Variants in RFC5 observed in about 807,000 individuals in gnomAD.
The protein encoded by RFC5 is A1 36 kDa subunit.
RFC5 carries 26 observed loss-of-function variants against 44.3 expected under a neutral mutation model. The observed-to-expected ratio is 0.59, with a 90% CI of 0.43 to 0.81. The LOEUF (loss-of-function observed/expected upper bound fraction) is 0.81. Ranked by LOEUF, RFC5 falls within the 40% of genes least tolerant of loss-of-function variation. The probability of loss-of-function intolerance (pLI) is 0.00; values close to 1 mark genes in which losing one functional copy is unlikely to be tolerated. For missense variants in RFC5, 328 were observed against 418.6 expected (o/e 0.78, Z 1.89); for synonymous variants, 155 against 155.2 (o/e 1.00, Z 0.01).
At chr12:118,023,600 C>G (rs936501300) in intron 5 of RFC5, among the ~76,000 whole-genome samples, 1 of 152,052 alleles carries the variant, frequency 6.6e-6, no homozygotes, top group Non-Finnish European at 1.5e-5. Context: ...GAGTGACTGT[C>G]ATTCTGGGCA....
intron 10 of RFC5, 133 bp downstream of exon 10, chr12:118,029,958 AT>A (rs1316314411): frequency 1.4e-6 from 1 of 720,038 alleles, no homozygotes; most frequent in African/African-American, 1.8e-5. Flanking sequence ...GTCTGGTGAT[AT>A]TGAATGGAAT....
intron 7 of RFC5, among the ~76,000 whole-genome samples, chr12:118,026,483 C>T (rs1373766187): frequency 6.6e-6 from 1 of 152,096 alleles, no homozygotes; most frequent in Non-Finnish European, 1.5e-5. Context: ...CCTGTAGTCC[C>T]ATCTACTCAG....
intron 4 of RFC5, 73 bp from the exon 5 acceptor site, chr12:118,022,213 A>T (rs1417187726): frequency 3.3e-6 from 4 of 1,197,754 alleles, no homozygotes; most frequent in Non-Finnish European, 5.0e-6. Flanking sequence ...GCACAATGGG[A>T]AGATATAGGT....
intron 5 of RFC5, among the ~76,000 whole-genome samples, chr12:118,023,896 C>T (rs1347558318): frequency 6.6e-5 from 10 of 152,082 alleles, no homozygotes; most frequent in East Asian, 1.9e-4. Context: ...TAAAATCCCA[C>T]GGAGGCATGT....
Position 118,018,232 on chromosome 12 carries a change from A to G in RFC5, c.66-840A>G, listed in dbSNP as rs146946249. Among the ~76,000 whole-genome samples the G allele has an allele frequency of 2.5e-4, 38 of 152,300 alleles. 1 individual carries two copies. In the East Asian group the frequency reaches 6.4e-3, roughly 25 times the overall value. ...CCTATCCATTCTTCTGTTGAAGTCT[A>G]TTTGGGTAGGAGTTCAGTTTCAAAT... On this transcript the variant is annotated intron_variant, in intron 1 of 10. Coordinates refer to ENST00000454402, the MANE Select transcript of RFC5 (RefSeq NM_007370.7).
chr12:118,024,611 A>C (rs924425674), intron 5 of RFC5, among the ~76,000 whole-genome samples: 5 of 151,654 alleles, frequency 3.3e-5, no homozygotes, highest in African/African-American at 1.2e-4. Context: ...TTTTCAGTAG[A>C]GGTTTTGCCA....
At chr12:118,037,715 C>T (rs1003249158), downstream of RFC5, among the ~76,000 whole-genome samples, 5 of 150,192 alleles carry the variant, frequency 3.3e-5, no homozygotes, top group African/African-American at 1.2e-4. Flanking sequence ...CTCCAAACCA[C>T]AAAAATAAAT....
intron 1 of RFC5, chr12:118,018,016 C>T (rs1220152704): frequency 1.4e-6 from 1 of 701,926 alleles, no homozygotes; most frequent in South Asian, 1.5e-5. Context: ...CACTAATCTG[C>T]TTTCTATCTA....
chr12:118,029,647 T>C (rs2031184446), intron 9 of RFC5, 124 bp from the exon 10 acceptor site: 1 of 770,418 alleles, frequency 1.3e-6, no homozygotes, highest in Non-Finnish European at 2.4e-6. Context: ...TGGTATCTAG[T>C]GAGCAGGCTG....
intron 1 of RFC5, chr12:118,018,091 G>T (rs1310163176): frequency 1.5e-6 from 1 of 687,022 alleles, no homozygotes; most frequent in South Asian, 1.6e-5. Context: ...TTTTGTGTCT[G>T]GTTTCTTTCA....
chr12:118,021,462 C>T (rs576774129), intron 4 of RFC5, among the ~76,000 whole-genome samples: 3 of 152,126 alleles, frequency 2.0e-5, no homozygotes, highest in East Asian at 3.9e-4. Context: ...ATCTGCCCGC[C>T]GCAGCCTCCC....
Position 118,031,924 on chromosome 12 carries a change from G to A in RFC5, c.*646G>A, listed in dbSNP as rs1328898433. On this transcript the variant is annotated 3_prime_UTR_variant, in exon 11 of 11. Transcript: ENST00000454402. ...GAGCCTTAAACTATGCCACTGGGTG[G>A]CAGAGGCTGTATAAAACGCACTTGT... 6.6e-6 allele frequency: 1 copy of A among 152,200 alleles called. No individual in the cohort carries two copies. Among genetic ancestry groups the A allele is most frequent in the East Asian group, 1.9e-4 (1 of 5,194 alleles). 9.4% of individuals were successfully genotyped at this position (152,200 alleles called of 1,614,324 possible).
At chr12:118,022,930 G>C (rs2030616144) in intron 5 of RFC5, among the ~76,000 whole-genome samples, 1 of 152,188 alleles carries the variant, frequency 6.6e-6, no homozygotes, top group Non-Finnish European at 1.5e-5. Flanking sequence ...CAGCAGCCTA[G>C]GGACTAAGCC....
At chr12:118,038,464 G>GA in the RFC5 span, 8 of 1,408,718 alleles carry the variant, frequency 5.7e-6, no homozygotes, top group Non-Finnish European at 7.9e-6. Context: ...GAACTGGGGT[G>GA]GTAACAGCCC....
intron 6 of RFC5, 191 bp from the exon 7 acceptor site, chr12:118,025,556 T>C: frequency 1.9e-6 from 1 of 524,816 alleles, no homozygotes. Context: ...TGGCTGTGAC[T>C]ACTAATGTGA....
rs1455449383 is a variant in RFC5, at chr12:118,032,051, A to C, written c.*773A>C. The C allele has an allele frequency of 6.6e-6, 1 of 152,214 alleles. No homozygotes were observed. The highest frequency in any genetic ancestry group is 1.5e-5 in the Non-Finnish European group (1 of 68,044). 9.4% of individuals were successfully genotyped at this position (152,214 alleles called of 1,614,324 possible). A position where few individuals can be genotyped will look rare whatever the true frequency, so the allele number is the denominator to read the frequency against. ...CAAATTTCACATTTATTTTACAGCA[A>C]TCATGCTGCATTTGTGTTAGTGTTC... On this transcript the variant is annotated 3_prime_UTR_variant, in exon 11 of 11. Transcript: ENST00000454402.
At chr12:118,035,308 G>C, downstream of RFC5, 2 of 1,614,108 alleles carry the variant, frequency 1.2e-6, no homozygotes, top group East Asian at 4.5e-5. Context: ...TCCATGGCGG[G>C]GTCAACCTGG....
chr12:118,038,647 G>A, the RFC5 span, among the ~76,000 whole-genome samples: 1 of 152,172 alleles, frequency 6.6e-6, no homozygotes, highest in African/African-American at 2.4e-5. Context: ...TATAAGATCA[G>A]TAAGGGTGAA....
At position 118,027,015 on chromosome 12, in the gene RFC5, A is replaced by C. The variant is rs770576058; in HGVS notation, c.790A>C (p.Arg264=). 1.2e-6 allele frequency: 2 copies of C among 1,612,608 alleles called. No homozygotes were observed. Among genetic ancestry groups the C allele is most frequent in the Non-Finnish European group, 1.7e-6 (2 of 1,179,946 alleles). ...MLNQDFTTAY[R]NITELKTLKG... ...GAATCAAGATTTCACCACAGCCTAC[A>C]GAAGTATCCTTTCTCATGACCTCCT... is the stretch of plus-strand genomic sequence containing the variant. The change falls in exon 8 of 11, where the codon AGA becomes CGA. Residue 264 remains arginine (R), a synonymous_variant. Transcript: ENST00000454402.
Sources: allele counts gnomAD v4.1 joint callset (sites outside exome capture counted in the v4.1 genomes callset), GRCh38; gene constraint gnomAD v4.1.1; transcripts MANE v1.5; gene names NCBI Gene and HGNC (gene_info 2026-07-23, HGNC 2026-07-21).